Variants in CADPS2 observed in about 807,000 individuals in gnomAD.
The protein encoded by CADPS2 is calcium dependent secretion activator 2.
A neutral mutation model predicts 172.5 loss-of-function variants in CADPS2; 93 were observed. The observed-to-expected ratio is 0.54, with a 90% CI of 0.46 to 0.64. The LOEUF is 0.64. Among genes scored for constraint, CADPS2 ranks in the 30% least tolerant of loss-of-function variants. The probability of loss-of-function intolerance (pLI) is 0.00; values close to 1 mark genes in which losing one functional copy is unlikely to be tolerated. For synonymous variants in CADPS2, 546 were observed against 555.2 expected (o/e 0.98, Z 0.23); for missense variants, 1,420 against 1,565.9 (o/e 0.91, Z 1.57).
intron 28 of CADPS2, 123 bp from the exon 29 acceptor site, chr7:122,325,704 C>G: frequency 1.6e-6 from 1 of 611,020 alleles, no homozygotes; most frequent in Non-Finnish European, 3.0e-6. Flanking sequence ...CACAGATCAG[C>G]ACTTGAAGTC....
chr7:122,476,425 C>A (rs2056628456), intron 12 of CADPS2, among the ~76,000 whole-genome samples: 1 of 151,940 alleles, frequency 6.6e-6, no homozygotes, highest in African/African-American at 2.4e-5. Context: ...AATGGGCATA[C>A]AAACTTTAAA....
intron 1 of CADPS2, among the ~76,000 whole-genome samples, chr7:122,774,269 TACACAC>T (rs56843003): frequency 0.017 from 2,481 of 143,012 alleles, 40 homozygotes; most frequent in African/African-American, 0.044. Flanking sequence ...TAGATAGATA[TACACAC>T]ACACACACAC....
intron 20 of CADPS2, among the ~76,000 whole-genome samples, chr7:122,406,025 G>A (rs1161884292): frequency 6.6e-6 from 1 of 152,162 alleles, no homozygotes; most frequent in Non-Finnish European, 1.5e-5. Context: ...ACGTGAATCT[G>A]TCTAGCACCA....
chr7:122,584,910 T>G (rs2069415004), intron 6 of CADPS2, among the ~76,000 whole-genome samples: 1 of 151,998 alleles, frequency 6.6e-6, no homozygotes, highest in African/African-American at 2.4e-5. Context: ...AATTTCCAGA[T>G]TTTGTGTGTC....
At chr7:122,360,877 G>T in intron 26 of CADPS2, 53 bp downstream of exon 26, 2 of 1,595,338 alleles carry the variant, frequency 1.3e-6, no homozygotes, top group South Asian at 2.2e-5. Context: ...TGCCATATAA[G>T]TACTATGACA....
chr7:122,357,044 C>A (rs1328097362), intron 27 of CADPS2, among the ~76,000 whole-genome samples: 1 of 152,168 alleles, frequency 6.6e-6, no homozygotes, highest in African/African-American at 2.4e-5. Flanking sequence ...CACATTAACG[C>A]ATGCATATAC....
At chr7:122,665,045 C>A (rs1341802255) in intron 2 of CADPS2, among the ~76,000 whole-genome samples, 2 of 151,878 alleles carry the variant, frequency 1.3e-5, no homozygotes, top group African/African-American at 4.8e-5. Context: ...GGCAATCCTC[C>A]TGCCTTGGAC....
chr7:122,490,912 G>A (rs1323519149), intron 10 of CADPS2, among the ~76,000 whole-genome samples: 3 of 151,978 alleles, frequency 2.0e-5, no homozygotes, highest in Non-Finnish European at 4.4e-5. Context: ...TTAATATGAA[G>A]GGAGAGAGAG....
intron 14 of CADPS2, among the ~76,000 whole-genome samples, chr7:122,465,170 T>C (rs1156640790): frequency 6.6e-6 from 1 of 152,124 alleles, no homozygotes; most frequent in Non-Finnish European, 1.5e-5. Flanking sequence ...GGAAGAATTG[T>C]AGATCGAGCA....
intron 2 of CADPS2, among the ~76,000 whole-genome samples, chr7:122,734,086 A>AT (rs1486691961): frequency 3.9e-5 from 6 of 151,964 alleles, no homozygotes; most frequent in African/African-American, 1.4e-4. Flanking sequence ...GGAACCTAAG[A>AT]GTCTGCTTTT....
intron 5 of CADPS2, among the ~76,000 whole-genome samples, chr7:122,618,023 G>A (rs543132425): frequency 4.9e-5 from 7 of 142,698 alleles, no homozygotes; most frequent in Non-Finnish European, 9.0e-5. Context: ...CAGCCTGGGC[G>A]ACAGTGCAAG....
intron 1 of CADPS2, among the ~76,000 whole-genome samples, chr7:122,795,882 A>C (rs933211260): frequency 3.3e-5 from 5 of 152,182 alleles, no homozygotes; most frequent in Non-Finnish European, 7.3e-5. Context: ...AGAGAAAGCA[A>C]TATAGGGCAT....
intron 8 of CADPS2, among the ~76,000 whole-genome samples, chr7:122,542,941 A>C (rs1272129752): frequency 6.6e-6 from 1 of 152,050 alleles, no homozygotes; most frequent in Non-Finnish European, 1.5e-5. Flanking sequence ...TTCTCAAATA[A>C]TCATTTTATA....
At chr7:122,645,473 G>GTA (rs1243603349) in intron 3 of CADPS2, among the ~76,000 whole-genome samples, 1 of 63,842 alleles carries the variant, frequency 1.6e-5, no homozygotes, top group Admixed American at 1.6e-4. Context: ...GTGTATATAT[G>GTA]TATATATATT....
At chr7:122,563,774 G>C (rs981423324) in intron 7 of CADPS2, among the ~76,000 whole-genome samples, 4 of 152,096 alleles carry the variant, frequency 2.6e-5, no homozygotes, top group Non-Finnish European at 5.9e-5. Flanking sequence ...GAAGAGCATG[G>C]AACATAAAGT....
intron 6 of CADPS2, among the ~76,000 whole-genome samples, chr7:122,583,342 C>T (rs1177907445): frequency 6.6e-6 from 1 of 151,850 alleles, no homozygotes; most frequent in Non-Finnish European, 1.5e-5. Context: ...TGTACTAGAA[C>T]ATTAGGAAAG....
chr7:122,624,495 T>G (rs1184094814), intron 4 of CADPS2, among the ~76,000 whole-genome samples: 3 of 152,210 alleles, frequency 2.0e-5, no homozygotes, highest in South Asian at 4.1e-4. Context: ...CTGCTTCCCA[T>G]GCCCCACATT....
intron 1 of CADPS2, among the ~76,000 whole-genome samples, chr7:122,828,399 T>G (rs980781683): frequency 6.6e-6 from 1 of 152,114 alleles, no homozygotes; most frequent in Non-Finnish European, 1.5e-5. Flanking sequence ...AGAACTTTCA[T>G]TTTTAAGATA....
rs201311280 is a variant in CADPS2, at chr7:122,428,071, GC to G, written c.2476+10269del. On this transcript the variant is annotated intron_variant, in intron 17 of 29. Transcript: ENST00000449022. ...ATCTCATTTTTGTTAATATTTTTTAGCTAGTGGATTGATGGAGTGGAGCAGT... is the reference window on the plus strand; with the variant it reads ...ATCTCATTTTTGTTAATATTTTTTAGTAGTGGATTGATGGAGTGGAGCAGT... Among the ~76,000 whole-genome samples, 1,478 of 152,196 alleles carry G rather than the reference GC, an allele frequency of 9.7e-3. 23 individuals are homozygous for G. The highest frequency in any genetic ancestry group is 0.034 in the African/African-American group (1,410 of 41,518).
Sources: allele counts gnomAD v4.1 joint callset (sites outside exome capture counted in the v4.1 genomes callset), GRCh38; gene constraint gnomAD v4.1.1; transcripts MANE v1.5; gene names NCBI Gene and HGNC (gene_info 2026-07-23, HGNC 2026-07-21).